The following MACROD2 variants were observed in gnomAD, a reference collection of about 807,000 sequenced individuals.
MACROD2 encodes ADP-ribose glycohydrolase MACROD2.
In MACROD2, 36 loss-of-function variants were observed where a neutral mutation model predicts 70.4. The ratio of observed to expected loss-of-function variants is 0.51; its 90% CI spans 0.39 to 0.68. The LOEUF (loss-of-function observed/expected upper bound fraction) is 0.68, where lower values mean the gene tolerates loss of function less well. Ranked by LOEUF, MACROD2 falls within the 30% of genes least tolerant of loss-of-function variation. MACROD2 has a pLI of 0.00. For synonymous variants in MACROD2, 172 were observed against 178.8 expected, an observed-to-expected ratio of 0.96 and a Z score of 0.30; for missense variants, 496 against 538.4, an observed-to-expected ratio of 0.92 and a Z score of 0.78.
chr20:15,016,297 G>T (rs555761143), intron 5 of MACROD2, among the ~76,000 whole-genome samples: 80 of 152,142 alleles, frequency 5.3e-4, no homozygotes, highest in African/African-American at 1.7e-3. Context: ...ATCACTTCTC[G>T]GTCTAGATGA....
chr20:14,453,173 A>G (rs921382092), intron 3 of MACROD2, among the ~76,000 whole-genome samples: 98 of 152,094 alleles, frequency 6.4e-4, no homozygotes, highest in African/African-American at 2.2e-3. Context: ...TTGCATTCCT[A>G]TGGACATTAA....
chr20:15,732,262 A>G (rs1270404919), intron 8 of MACROD2, among the ~76,000 whole-genome samples: 1 of 152,084 alleles, frequency 6.6e-6, no homozygotes, highest in East Asian at 1.9e-4. Flanking sequence ...CCAAATATGC[A>G]TCCTGTCCTA....
chr20:14,522,457 T>G (rs1372428747), intron 4 of MACROD2, among the ~76,000 whole-genome samples: 1 of 152,198 alleles, frequency 6.6e-6, no homozygotes, highest in East Asian at 1.9e-4. Context: ...TCCTCCGGGT[T>G]TGAGAGGCCT....
intron 9 of MACROD2, among the ~76,000 whole-genome samples, chr20:15,883,340 A>T (rs1242755248): frequency 6.6e-6 from 1 of 152,126 alleles, no homozygotes; most frequent in Non-Finnish European, 1.5e-5. Context: ...GGAAGAATCT[A>T]TGAAGTTTAC....
intron 4 of MACROD2, among the ~76,000 whole-genome samples, chr20:14,502,571 C>T (rs1233991378): frequency 1.3e-5 from 2 of 152,050 alleles, no homozygotes; most frequent in Non-Finnish European, 2.9e-5. Flanking sequence ...TAACTAATTG[C>T]CCACTGTAAA....
chr20:16,040,335 T>C (rs1482402269), intron 15 of MACROD2, among the ~76,000 whole-genome samples: 2 of 151,938 alleles, frequency 1.3e-5, no homozygotes, highest in African/African-American at 2.4e-5. Context: ...TTTAACATAC[T>C]CTGGACACAG....
At chr20:15,666,070 T>G (rs1412590512) in intron 8 of MACROD2, among the ~76,000 whole-genome samples, 1 of 152,136 alleles carries the variant, frequency 6.6e-6, no homozygotes, top group Non-Finnish European at 1.5e-5. Context: ...ATTAACAAGG[T>G]AGTTAAATTA....
intron 3 of MACROD2, among the ~76,000 whole-genome samples, chr20:14,363,341 T>G (rs1026710183): frequency 6.6e-6 from 1 of 152,170 alleles, no homozygotes; most frequent in African/African-American, 2.4e-5. Flanking sequence ...GGTAGATAGC[T>G]TGCCCCACTG....
At chr20:15,791,969 G>A (rs1043495619) in intron 8 of MACROD2, among the ~76,000 whole-genome samples, 2 of 151,898 alleles carry the variant, frequency 1.3e-5, no homozygotes, top group Admixed American at 6.6e-5. Context: ...GCTTTGAAAT[G>A]TTTCGAAAAG....
intron 4 of MACROD2, among the ~76,000 whole-genome samples, chr20:14,654,386 A>G (rs1258813525): frequency 2.6e-5 from 4 of 151,732 alleles, no homozygotes; most frequent in Non-Finnish European, 4.4e-5. Flanking sequence ...GTCTCTGCTA[A>G]AGTACAAAAA....
intron 6 of MACROD2, among the ~76,000 whole-genome samples, chr20:15,259,683 G>A (rs766016601): frequency 9.2e-5 from 14 of 152,020 alleles, no homozygotes; most frequent in Non-Finnish European, 1.8e-4. Context: ...AATGCACCCA[G>A]GTATTAAAAC....
intron 5 of MACROD2, among the ~76,000 whole-genome samples, chr20:14,847,505 T>G (rs2073156162): frequency 2.0e-5 from 2 of 100,626 alleles, no homozygotes; most frequent in African/African-American, 7.6e-5. Flanking sequence ...TTTTTTTTTT[T>G]GATGTTCAGC....
intron 8 of MACROD2, among the ~76,000 whole-genome samples, chr20:15,553,688 A>G (rs1455910817): frequency 1.3e-5 from 2 of 152,238 alleles, no homozygotes; most frequent in African/African-American, 2.4e-5. Flanking sequence ...CCAAAATTCC[A>G]GGATTACAGG....
At chr20:14,925,574 G>A (rs2074220325) in intron 5 of MACROD2, among the ~76,000 whole-genome samples, 1 of 152,172 alleles carries the variant, frequency 6.6e-6, no homozygotes, top group Non-Finnish European at 1.5e-5. Flanking sequence ...GAAATTGGCA[G>A]AATACATACA....
At chr20:15,225,951 A>G (rs186169855) in intron 5 of MACROD2, among the ~76,000 whole-genome samples, 11 of 152,322 alleles carry the variant, frequency 7.2e-5, no homozygotes, top group Admixed American at 5.9e-4. Context: ...GATATGATTA[A>G]ATCATTTTCT....
At chr20:15,958,796 C>T (rs148797751) in intron 12 of MACROD2, among the ~76,000 whole-genome samples, 8 of 152,186 alleles carry the variant, frequency 5.3e-5, no homozygotes, top group African/African-American at 1.9e-4. Flanking sequence ...GGTTGGTCCC[C>T]ACGATAGAAT....
At chr20:15,403,207 A>T (rs1047820657) in intron 6 of MACROD2, among the ~76,000 whole-genome samples, 1 of 152,254 alleles carries the variant, frequency 6.6e-6, no homozygotes, top group Admixed American at 6.5e-5. Context: ...ACCTCAGGTG[A>T]TCCACCCGCC....
At chr20:15,639,911 GAGA>G (rs1006043305) in intron 8 of MACROD2, among the ~76,000 whole-genome samples, 1 of 151,776 alleles carries the variant, frequency 6.6e-6, no homozygotes, top group South Asian at 2.1e-4. Context: ...AGGACAGGGA[GAGA>G]AGGAGAGAAA....
chr20:14,984,207 T>G (rs1568912280), intron 5 of MACROD2, among the ~76,000 whole-genome samples: 1 of 152,240 alleles, frequency 6.6e-6, no homozygotes, highest in Non-Finnish European at 1.5e-5. Flanking sequence ...TAAAGATTAA[T>G]TTAATCTAAT....
Sources: allele counts gnomAD v4.1 joint callset (sites outside exome capture counted in the v4.1 genomes callset), GRCh38; gene constraint gnomAD v4.1.1; transcripts MANE v1.5; gene names NCBI Gene and HGNC (gene_info 2026-07-23, HGNC 2026-07-21).